SMCO2: variants seen among roughly 807,000 people sequenced by gnomAD.
The protein encoded by SMCO2 is single-pass membrane and coiled-coil domain-containing protein 2.
In SMCO2, 25 loss-of-function variants were observed where a neutral mutation model predicts 29.5. That is an observed-to-expected ratio of 0.85 (90% CI 0.62 to 1.18). The LOEUF is 1.18. Among genes scored for constraint, SMCO2 ranks in the 50% most tolerant of loss-of-function variants. The pLI is 0.00. For missense variants in SMCO2, 348 were observed against 344.5 expected (o/e 1.01, Z -0.08); for synonymous variants, 117 against 123.3 (o/e 0.95, Z 0.34).
intron 1 of SMCO2, among the ~76,000 whole-genome samples, chr12:27,468,810 C>G (rs1261434016): frequency 6.6e-6 from 1 of 152,126 alleles, no homozygotes. Flanking sequence ...CCCATAGGCT[C>G]CGTTAATACA....
chr12:27,492,558 G>A (rs569863874), intron 5 of SMCO2, among the ~76,000 whole-genome samples: 5 of 152,052 alleles, frequency 3.3e-5, no homozygotes, highest in South Asian at 2.1e-4. Flanking sequence ...ACATACATGC[G>A]GCCAAGAAAC....
chr12:27,478,561 G>T (rs1949610890), intron 4 of SMCO2, among the ~76,000 whole-genome samples: 1 of 152,228 alleles, frequency 6.6e-6, no homozygotes, highest in South Asian at 2.1e-4. Flanking sequence ...AGTGAGCTGG[G>T]GGGGCCAGTC....
At chr12:27,440,496 C>A in the SMCO2 span, among the ~76,000 whole-genome samples, 1 of 152,170 alleles carries the variant, frequency 6.6e-6, no homozygotes, top group Non-Finnish European at 1.5e-5. Flanking sequence ...CCACTTATAA[C>A]TCTAGAATGA....
exon 8 of SMCO2, chr12:27,501,969 A>C: frequency 6.5e-7 from 1 of 1,546,984 alleles, no homozygotes; most frequent in South Asian, 1.2e-5. Flanking sequence ...CCTCACCGTC[A>C]CTGGACTTTT....
intron 2 of SMCO2, 108 bp from the exon 3 acceptor site, chr12:27,472,668 G>C: frequency 1.4e-6 from 1 of 713,466 alleles, no homozygotes; most frequent in Non-Finnish European, 2.3e-6. Context: ...GATGCTCCCT[G>C]GGACTGGGGA....
At chr12:27,486,712 A>G (rs1949691882) in intron 4 of SMCO2, among the ~76,000 whole-genome samples, 1 of 152,230 alleles carries the variant, frequency 6.6e-6, no homozygotes, top group Non-Finnish European at 1.5e-5. Context: ...ATTCAGCATA[A>G]TACTTGGCAC....
chr12:27,440,507 A>C, the SMCO2 span, among the ~76,000 whole-genome samples: 1 of 152,250 alleles, frequency 6.6e-6, no homozygotes, highest in Non-Finnish European at 1.5e-5. Context: ...TCTAGAATGA[A>C]GCCTAAAAGA....
chr12:27,502,114 C>G (rs201508863), exon 8 of SMCO2: 2 of 1,532,138 alleles, frequency 1.3e-6, no homozygotes, highest in African/African-American at 2.9e-5. Context: ...GCCTTGTTAC[C>G]CTCCTAAAGA....
chr12:27,480,108 C>T (rs1419420903), intron 4 of SMCO2, among the ~76,000 whole-genome samples: 1 of 152,180 alleles, frequency 6.6e-6, no homozygotes, highest in African/African-American at 2.4e-5. Context: ...GGCCAAAGAA[C>T]CTGGAGGCTG....
At chr12:27,470,857 G>T (rs1264069750) in intron 2 of SMCO2, 92 bp downstream of exon 2, 2 of 1,394,144 alleles carry the variant, frequency 1.4e-6, no homozygotes, top group Non-Finnish European at 1.9e-6. Context: ...AGATTTCCAG[G>T]TTCAGAGTCT....
At chr12:27,501,154 C>T (rs1943070115) in intron 7 of SMCO2, among the ~76,000 whole-genome samples, 2 of 150,482 alleles carry the variant, frequency 1.3e-5, no homozygotes, top group South Asian at 2.1e-4. Context: ...CGGTGGCTCA[C>T]GCCTGTAATC....
Position 27,472,821 on chromosome 12 carries a change from G to A in SMCO2, c.180G>A (p.Ser60=), listed in dbSNP as rs2165958. 371 of 1,550,770 alleles carry A rather than the reference G, an allele frequency of 2.4e-4. 1 individual carries two copies. In the African/African-American group the frequency reaches 4.3e-3, roughly 18 times the overall value. ...AAGTGGACCACATCTTAGACAGATC[G>A]GATGATGAGGATGACATTTCCTCCG... The change falls in exon 3 of 8, where the codon TCG becomes TCA. Residue 60 remains serine, a synonymous_variant. Transcript: ENST00000298876.
chr12:27,482,550 A>G (rs1949654237), intron 4 of SMCO2, among the ~76,000 whole-genome samples: 1 of 152,072 alleles, frequency 6.6e-6, no homozygotes, highest in African/African-American at 2.4e-5. Flanking sequence ...ATCCGCCCAC[A>G]TTGGCCTACC....
At chr12:27,470,598 T>C in intron 1 of SMCO2, 24 bp from the exon 2 acceptor site, 1 of 1,545,670 alleles carries the variant, frequency 6.5e-7, no homozygotes. Context: ...AAAATCCCTC[T>C]TGTTGTCATT....
intron 5 of SMCO2, among the ~76,000 whole-genome samples, chr12:27,492,402 G>A (rs1286189041): frequency 6.6e-6 from 1 of 152,106 alleles, no homozygotes; most frequent in East Asian, 1.9e-4. Context: ...ACTTCTTTAA[G>A]CATCTATTTC....
the SMCO2 span, among the ~76,000 whole-genome samples, chr12:27,426,775 A>T: frequency 1.3e-5 from 2 of 152,218 alleles, no homozygotes; most frequent in South Asian, 4.1e-4. Context: ...AGAAATTCAT[A>T]ACCAATGGGA....
chr12:27,454,844 T>C, the SMCO2 span, among the ~76,000 whole-genome samples: 1 of 152,298 alleles, frequency 6.6e-6, no homozygotes, highest in African/African-American at 2.4e-5. Flanking sequence ...TCTGCTCCTG[T>C]GTTAGTTTGC....
chr12:27,463,060 G>A (rs1034759825), upstream of SMCO2, among the ~76,000 whole-genome samples: 2 of 152,128 alleles, frequency 1.3e-5, no homozygotes, highest in African/African-American at 4.8e-5. Flanking sequence ...GCCAGCTGCC[G>A]GCCTGGGACG....
chr12:27,474,537 A>G (rs1949567701), intron 3 of SMCO2, among the ~76,000 whole-genome samples: 2 of 152,260 alleles, frequency 1.3e-5, no homozygotes, highest in African/African-American at 4.8e-5. Flanking sequence ...ATGGAATTCG[A>G]TTACTCATCA....
Sources: allele counts gnomAD v4.1 joint callset (sites outside exome capture counted in the v4.1 genomes callset), GRCh38; gene constraint gnomAD v4.1.1; transcripts MANE v1.5; gene names NCBI Gene and HGNC (gene_info 2026-07-23, HGNC 2026-07-21).